Variants in BCAR3 observed in about 807,000 individuals in gnomAD.
BCAR3 encodes BCAR3 adaptor protein, NSP family member.
In BCAR3, 37 loss-of-function variants were observed where a neutral mutation model predicts 80.1. The observed-to-expected ratio is 0.46, with a 90% CI of 0.36 to 0.61. The LOEUF (loss-of-function observed/expected upper bound fraction) is 0.61, where lower values mean the gene tolerates loss of function less well. Among genes scored for constraint, BCAR3 ranks in the 20% least tolerant of loss-of-function variants. BCAR3 has a pLI of 0.00. For missense variants in BCAR3, 978 were observed against 1,068.2 expected (o/e 0.92, Z 1.18); for synonymous variants, 389 against 418.9 (o/e 0.93, Z 0.87).
intron 2 of BCAR3, among the ~76,000 whole-genome samples, chr1:93,801,851 G>A (rs907860989): frequency 1.3e-5 from 2 of 152,176 alleles, no homozygotes; most frequent in Admixed American, 1.3e-4. Flanking sequence ...CAGGCGCAGT[G>A]GCTCATGTCT....
At position 93,635,710 on chromosome 1, in the gene BCAR3, C is replaced by T. The variant is rs538606797; in HGVS notation, c.357+6594G>A. ...CCCACAGGGGATGGCGCTGGCTCTG[C>T]CAATGTGCACACTCAGGCAAAAACC... is the stretch of plus-strand genomic sequence containing the variant. On this transcript the variant is annotated intron_variant, in intron 3 of 11. Transcript: ENST00000260502. 1.6e-4 allele frequency among the ~76,000 whole-genome samples: 24 copies of T among 152,324 alleles called. No individual in the cohort carries two copies. In the South Asian group the frequency reaches 4.3e-3, roughly 28 times the overall value.
At chr1:93,631,336 G>A (rs753915610) in intron 3 of BCAR3, among the ~76,000 whole-genome samples, 10 of 152,178 alleles carry the variant, frequency 6.6e-5, no homozygotes, top group Admixed American at 1.3e-4. Context: ...TTCCCAATAA[G>A]GTCACCATTC....
intron 2 of BCAR3, among the ~76,000 whole-genome samples, chr1:93,830,389 A>AT (rs1654517555): frequency 6.6e-6 from 1 of 152,194 alleles, no homozygotes; most frequent in Non-Finnish European, 1.5e-5. Context: ...GGCCTGAAGT[A>AT]ACTGAAGAAT....
At chr1:93,565,616 T>A (rs1378993652) in intron 11 of BCAR3, among the ~76,000 whole-genome samples, 1 of 152,238 alleles carries the variant, frequency 6.6e-6, no homozygotes, top group Non-Finnish European at 1.5e-5. Flanking sequence ...TTATGCAACA[T>A]CCATGGTAAT....
chr1:93,571,957 T>C, intron 8 of BCAR3, 116 bp from the exon 9 acceptor site: 2 of 1,248,954 alleles, frequency 1.6e-6, no homozygotes, highest in South Asian at 2.9e-5. Flanking sequence ...TGCTCTAAAA[T>C]GTGCCGGCAG....
intron 2 of BCAR3, among the ~76,000 whole-genome samples, chr1:93,806,313 A>AAATTT (rs1325073864): frequency 6.6e-6 from 1 of 152,230 alleles, no homozygotes; most frequent in Non-Finnish European, 1.5e-5. Flanking sequence ...AGGCTTAAAT[A>AAATTT]TTCTCTTCAT....
intron 1 of BCAR3, among the ~76,000 whole-genome samples, chr1:93,675,388 A>G (rs945976204): frequency 1.1e-4 from 17 of 152,268 alleles, no homozygotes; most frequent in African/African-American, 3.9e-4. Flanking sequence ...AATTGTCTTC[A>G]GTGCCAGACC....
At chr1:93,844,054 C>T (rs1388646960) in intron 2 of BCAR3, among the ~76,000 whole-genome samples, 1 of 152,168 alleles carries the variant, frequency 6.6e-6, no homozygotes, top group Non-Finnish European at 1.5e-5. Flanking sequence ...CACGGTAGCT[C>T]ACGCCTCACT....
At chr1:93,705,891 G>C (rs1435423005) in intron 3 of BCAR3, among the ~76,000 whole-genome samples, 1 of 151,652 alleles carries the variant, frequency 6.6e-6, no homozygotes, top group Non-Finnish European at 1.5e-5. Flanking sequence ...CGGTCTCAAG[G>C]CTGCGATGAA....
chr1:93,649,664 A>C (rs892346208), intron 2 of BCAR3, among the ~76,000 whole-genome samples: 1 of 151,830 alleles, frequency 6.6e-6, no homozygotes, highest in Admixed American at 6.6e-5. Context: ...TTCAGCACCT[A>C]AAAAAAAGAG....
intron 2 of BCAR3, among the ~76,000 whole-genome samples, chr1:93,660,222 T>C (rs146550665): frequency 2.0e-5 from 3 of 152,266 alleles, no homozygotes; most frequent in South Asian, 4.2e-4. Context: ...ATTAAGGAGA[T>C]AATTTAGCCA....
At chr1:93,677,896 C>A (rs966778827) in intron 1 of BCAR3, among the ~76,000 whole-genome samples, 1 of 152,010 alleles carries the variant, frequency 6.6e-6, no homozygotes, top group Non-Finnish European at 1.5e-5. Context: ...AGAGTAGATC[C>A]CTTAACTTGT....
At chr1:93,801,856 A>G (rs1342670538) in intron 2 of BCAR3, among the ~76,000 whole-genome samples, 8 of 152,228 alleles carry the variant, frequency 5.3e-5, no homozygotes, top group Non-Finnish European at 1.2e-4. Flanking sequence ...GCAGTGGCTC[A>G]TGTCTGTAAT....
chr1:93,646,415 C>G (rs1676148831), intron 2 of BCAR3: 1 of 151,718 alleles, frequency 6.6e-6, no homozygotes, highest in Non-Finnish European at 1.5e-5. Flanking sequence ...CCAGCCTGAC[C>G]AACATGGAGA....
chr1:93,763,069 T>C (rs1054055437), intron 2 of BCAR3, among the ~76,000 whole-genome samples: 3 of 152,166 alleles, frequency 2.0e-5, no homozygotes, highest in African/African-American at 7.2e-5. Flanking sequence ...CAACACTGTT[T>C]TTCTATTTTG....
At chr1:93,638,061 A>G (rs1675850424) in intron 3 of BCAR3, among the ~76,000 whole-genome samples, 1 of 152,200 alleles carries the variant, frequency 6.6e-6, no homozygotes, top group Admixed American at 6.5e-5. Context: ...CATCCTGGCT[A>G]ATACGGTGAA....
At chr1:93,648,907 G>A (rs187827967) in intron 2 of BCAR3, 1 of 152,484 alleles carries the variant, frequency 6.6e-6, no homozygotes, top group East Asian at 1.9e-4. Flanking sequence ...AGGCTGCCCT[G>A]TGTCATTAGC....
chr1:93,653,189 A>G (rs1173240338), intron 2 of BCAR3, among the ~76,000 whole-genome samples: 2 of 152,246 alleles, frequency 1.3e-5, no homozygotes, highest in African/African-American at 4.8e-5. Context: ...TACTTCTTTA[A>G]TTATTGAATA....
intron 3 of BCAR3, among the ~76,000 whole-genome samples, chr1:93,695,072 C>T (rs1349011195): frequency 6.6e-6 from 1 of 152,234 alleles, no homozygotes; most frequent in East Asian, 1.9e-4. Context: ...TCCCTGGCAC[C>T]TGGCCCTTGA....
Sources: allele counts gnomAD v4.1 joint callset (sites outside exome capture counted in the v4.1 genomes callset), GRCh38; gene constraint gnomAD v4.1.1; transcripts MANE v1.5; gene names NCBI Gene and HGNC (gene_info 2026-07-23, HGNC 2026-07-21).